The following FAM184B variants were observed in gnomAD, a reference collection of about 807,000 sequenced individuals.
FAM184B encodes the protein protein FAM184B.
FAM184B carries 111 observed loss-of-function variants against 135.9 expected under a neutral mutation model. That is an observed-to-expected ratio of 0.82 (90% CI 0.70 to 0.96). The LOEUF is 0.96. Among genes scored for constraint, FAM184B ranks in the 40% least tolerant of loss-of-function variants. FAM184B has a pLI of 0.00. For synonymous variants in FAM184B, 552 were observed against 524.8 expected (o/e 1.05, Z -0.71); for missense variants, 1,375 against 1,323.9 (o/e 1.04, Z -0.60).
intron 16 of FAM184B, among the ~76,000 whole-genome samples, chr4:17,634,609 C>T (rs1577238775): frequency 1.3e-5 from 2 of 152,268 alleles, no homozygotes; most frequent in African/African-American, 4.8e-5. Context: ...CAGGTGTGAG[C>T]CATTGCACCC....
intron 12 of FAM184B, among the ~76,000 whole-genome samples, chr4:17,645,266 C>G (rs1004345705): frequency 1.3e-5 from 2 of 152,160 alleles, no homozygotes; most frequent in African/African-American, 4.8e-5. Context: ...CCTGCGTCGC[C>G]AAGTCAATCC....
chr4:17,686,835 G>A (rs905451408), intron 7 of FAM184B, among the ~76,000 whole-genome samples: 4 of 152,152 alleles, frequency 2.6e-5, no homozygotes, highest in African/African-American at 7.2e-5. Flanking sequence ...CCAGCTACTC[G>A]GGAGGCTGAG....
intron 15 of FAM184B, 125 bp downstream of exon 15, chr4:17,636,403 A>G (rs376814795): frequency 1.3e-6 from 1 of 780,042 alleles, no homozygotes; most frequent in Non-Finnish European, 2.1e-6. Flanking sequence ...GCGCACGGCA[A>G]GAAAGGATTC....
chr4:17,778,173 C>A (rs561845223), intron 1 of FAM184B, among the ~76,000 whole-genome samples: 1 of 151,002 alleles, frequency 6.6e-6, no homozygotes, highest in South Asian at 2.1e-4. Flanking sequence ...ATAAACAAAA[C>A]AAATCTGAAA....
At chr4:17,670,171 G>C (rs1289650594) in intron 7 of FAM184B, among the ~76,000 whole-genome samples, 1 of 152,130 alleles carries the variant, frequency 6.6e-6, no homozygotes, top group African/African-American at 2.4e-5. Context: ...GAAATTTATA[G>C]CTTTAAATGT....
At chr4:17,700,030 C>A (rs1716950116) in intron 5 of FAM184B, among the ~76,000 whole-genome samples, 1 of 152,112 alleles carries the variant, frequency 6.6e-6, no homozygotes, top group African/African-American at 2.4e-5. Flanking sequence ...CCTACAGTAA[C>A]CACTAGCTCT....
intron 1 of FAM184B, among the ~76,000 whole-genome samples, chr4:17,734,840 C>T (rs1217445825): frequency 6.6e-6 from 1 of 151,550 alleles, no homozygotes; most frequent in East Asian, 1.9e-4. Flanking sequence ...GGTATATACC[C>T]AAAGGACTAT....
At chr4:17,646,796 A>G (rs2108933755) in intron 12 of FAM184B, among the ~76,000 whole-genome samples, 1 of 152,216 alleles carries the variant, frequency 6.6e-6, no homozygotes, top group African/African-American at 2.4e-5. Flanking sequence ...TACGTTATGG[A>G]CTGGAGGGAG....
Position 17,642,037 on chromosome 4 carries a change from G to A in FAM184B, c.2519+19C>T, listed in dbSNP as rs1250317786. ...GGGGGTGAGGGTGGCGCGGTGGCGG[G>A]GCGCGCCGGGTCACCCACCTGCGCT... is the stretch of plus-strand genomic sequence containing the variant. On this transcript the variant is annotated intron_variant, in intron 13 of 17. Coordinates refer to ENST00000265018, the MANE Select transcript of FAM184B (RefSeq NM_015688.2). 6.6e-7 allele frequency: 1 copy of A among 1,517,266 alleles called. No homozygotes were observed. Among genetic ancestry groups the A allele is most frequent in the East Asian group, 2.6e-5 (1 of 39,214 alleles). The allele number at this position is 1,517,266 out of a possible 1,614,324, so 94.0% of individuals were successfully genotyped here. A position where few individuals can be genotyped will look rare whatever the true frequency, so the allele number is the denominator to read the frequency against.
Position 17,647,657 on chromosome 4 carries a change from C to T in FAM184B, c.2326G>A (p.Asp776Asn), listed in dbSNP as rs1002086145. The change falls in exon 12 of 18, where the codon GAT becomes AAT. Residue 776 changes from aspartate (D) to asparagine (N), a missense_variant. Asp to Asn is a conservative substitution (Grantham distance 23). Transcript: ENST00000265018. ...ASSQCPGDSK[D>N]HIIATEERGG... is the part of the protein sequence containing the mutation. ...CTGACCTCTGTGGCGATTATGTGAT[C>T]CTTGCTGTCTCCTGGACACTGGCTG... 1.3e-6 allele frequency: 2 copies of T among 1,550,552 alleles called. No individual in the cohort carries two copies. The highest frequency in any genetic ancestry group is 1.7e-6 in the Non-Finnish European group (2 of 1,146,858).
chr4:17,694,411 T>C (rs1485936552), intron 5 of FAM184B, among the ~76,000 whole-genome samples: 1 of 151,716 alleles, frequency 6.6e-6, no homozygotes, highest in Non-Finnish European at 1.5e-5. Flanking sequence ...TAGTCCCAGC[T>C]ACTCGGGAGG....
At chr4:17,733,869 A>C (rs879415065) in intron 1 of FAM184B, among the ~76,000 whole-genome samples, 10 of 152,210 alleles carry the variant, frequency 6.6e-5, no homozygotes, top group Non-Finnish European at 1.2e-4. Context: ...CCGCATTGCC[A>C]AGTCAATCCT....
intron 1 of FAM184B, among the ~76,000 whole-genome samples, chr4:17,772,948 C>T (rs1718850494): frequency 1.3e-5 from 2 of 152,188 alleles, no homozygotes; most frequent in Admixed American, 1.3e-4. Flanking sequence ...CCAGTCCCTG[C>T]TCCAAACCTC....
intron 1 of FAM184B, among the ~76,000 whole-genome samples, chr4:17,712,500 C>A (rs1321311668): frequency 6.6e-6 from 1 of 152,176 alleles, no homozygotes; most frequent in Non-Finnish European, 1.5e-5. Context: ...GACTTTTAGC[C>A]TTTGTGGGTT....
chr4:17,641,982 C>T (rs1715330168), intron 13 of FAM184B, 74 bp downstream of exon 13: 12 of 1,439,814 alleles, frequency 8.3e-6, no homozygotes, highest in East Asian at 8.2e-5. Flanking sequence ...CTCAGCCAGC[C>T]GCAGTAGGGG....
At chr4:17,662,375 TCACA>T (rs200818340) in intron 8 of FAM184B, among the ~76,000 whole-genome samples, 2,598 of 152,142 alleles carry the variant, frequency 0.017, 81 homozygotes, top group African/African-American at 0.06. Context: ...TCTTGTTCTG[TCACA>T]CAGGCTGGAG....
chr4:17,770,948 C>A (rs576487260), intron 1 of FAM184B, among the ~76,000 whole-genome samples: 1 of 152,354 alleles, frequency 6.6e-6, no homozygotes, highest in Admixed American at 6.5e-5. Context: ...ATTCTCATTA[C>A]TCCATAAAGA....
At position 17,652,879 on chromosome 4, in the gene FAM184B, C is replaced by T; in HGVS notation, c.2142G>A (p.Glu714=). 1 of 1,551,752 alleles carries T rather than the reference C, an allele frequency of 6.4e-7. No individual in the cohort carries two copies. Among genetic ancestry groups the T allele is most frequent in the South Asian group, 1.2e-5 (1 of 84,062 alleles). Residue 714 remains glutamate, a synonymous_variant, in exon 11 of 18, where the codon GAG becomes GAA. Transcript: ENST00000265018. The stretch of plus-strand genomic sequence containing the variant: ...GCATCCTCTCACGCTCCTCCTGCAG[C>T]TCTTGCCTGGCCTTTTCCTCCAAGG... ...LQALEEKARQ[E]LQEERERMQA...
At chr4:17,693,724 C>A (rs1716790703) in intron 5 of FAM184B, among the ~76,000 whole-genome samples, 1 of 152,142 alleles carries the variant, frequency 6.6e-6, no homozygotes, top group East Asian at 1.9e-4. Context: ...TTGTCAGTGT[C>A]ACATAAGTAA....
Sources: gnomAD v4.1 joint callset for allele counts (sites outside exome capture counted in the v4.1 genomes callset) on GRCh38, gnomAD v4.1.1 for gene constraint, MANE v1.5 for transcripts, NCBI Gene and HGNC (gene_info 2026-07-23, HGNC 2026-07-21) for gene names.